NCOA3: variants seen among roughly 807,000 people sequenced by gnomAD.
The protein encoded by NCOA3 is nuclear receptor coactivator 3, also known as CBP-interacting protein.
Under a neutral mutation model 158.8 loss-of-function variants are expected in NCOA3, and 51 were observed. That is an observed-to-expected ratio of 0.32 (90% CI 0.26 to 0.41). The LOEUF (loss-of-function observed/expected upper bound fraction) is 0.41, where lower values mean the gene tolerates loss of function less well. NCOA3 is among the 10% of genes least tolerant of loss of function. The probability of loss-of-function intolerance (pLI) is 1.00; values close to 1 mark genes in which losing one functional copy is unlikely to be tolerated. For missense variants in NCOA3, 1,510 were observed against 1,746.6 expected, an observed-to-expected ratio of 0.86 and a Z score of 2.41; for synonymous variants, 537 against 592.4, an observed-to-expected ratio of 0.91 and a Z score of 1.36.
At chr20:47,586,613 A>G (rs2085540296) in intron 2 of NCOA3, among the ~76,000 whole-genome samples, 1 of 152,210 alleles carries the variant, frequency 6.6e-6, no homozygotes, top group Admixed American at 6.5e-5. Flanking sequence ...TGTATAGACT[A>G]CAGTCTGGGG....
Position 47,622,349 on chromosome 20 carries a change from G to C in NCOA3, c.83+19G>C. 1 of 1,506,638 alleles carries C rather than the reference G, an allele frequency of 6.6e-7. No homozygotes were observed. Among genetic ancestry groups the C allele is most frequent in the Non-Finnish European group, 9.1e-7 (1 of 1,102,762 alleles). 93.3% of individuals were successfully genotyped at this position (1,506,638 alleles called of 1,614,324 possible). A position where few individuals can be genotyped will look rare whatever the true frequency, so the allele number is the denominator to read the frequency against. ...GACAAGGGTAGGTGACTTATTTCCT[G>C]GTGCTTTACCACACTTGTTGTGCCT... On this transcript the variant is annotated intron_variant, in intron 3 of 22. Coordinates refer to ENST00000371998, the MANE Select transcript of NCOA3 (RefSeq NM_181659.3).
intron 1 of NCOA3, among the ~76,000 whole-genome samples, chr20:47,503,466 C>T (rs2083976281): frequency 6.6e-6 from 1 of 152,146 alleles, no homozygotes; most frequent in Non-Finnish European, 1.5e-5. Flanking sequence ...TACAGTTTCC[C>T]CTTCTCAGAG....
chr20:47,513,833 G>A (rs980509292), intron 1 of NCOA3, among the ~76,000 whole-genome samples: 2 of 151,912 alleles, frequency 1.3e-5, no homozygotes, highest in African/African-American at 4.8e-5. Context: ...GGGCTCTTGA[G>A]TGCCAGTTAC....
rs1238371073 is a variant in NCOA3 at position 47,633,545 on chromosome 20, T to C, written c.873T>C (p.Pro291=). Residue 291 remains proline (P), a synonymous_variant, in exon 9 of 23, where the codon CCT becomes CCC. Transcript: ENST00000371998. ...DTNSLRSSMR[P]GFEDIIRRCI... is the part of the protein sequence containing the mutation. ...ATTCACTGAGATCCTCCATGAGGCC[T>C]GGCTTTGAAGATATAATCCGAAGGT... The C allele has an allele frequency of 6.2e-7, 1 of 1,613,682 alleles. No homozygotes were observed. Among genetic ancestry groups the C allele is most frequent in the Non-Finnish European group, 8.5e-7 (1 of 1,179,580 alleles).
Position 47,627,686 on chromosome 20 carries a change from A to G in NCOA3, c.658A>G (p.Arg220Gly). The G allele has an allele frequency of 3.1e-6, 5 of 1,614,200 alleles. No homozygotes were observed. Among genetic ancestry groups the G allele is most frequent in the Non-Finnish European group, 4.2e-6 (5 of 1,180,044 alleles). Residue 220 changes from arginine (R) to glycine (G), a missense_variant, in exon 7 of 23, where the codon AGA becomes GGA. Coordinates refer to ENST00000371998, the MANE Select transcript of NCOA3 (RefSeq NM_181659.3). ...DINASPEMRQRYETMQCFALS... is the reference protein window; with the variant it reads ...DINASPEMRQGYETMQCFALS... ...AAACGCCAGTCCTGAAATGCGCCAG[A>G]GATATGAAACAATGCAGTGCTTTGC... is the stretch of plus-strand genomic sequence containing the variant.
At chr20:47,547,707 C>T (rs1237744791) in intron 1 of NCOA3, among the ~76,000 whole-genome samples, 2 of 151,400 alleles carry the variant, frequency 1.3e-5, no homozygotes, top group Non-Finnish European at 2.9e-5. Flanking sequence ...CATGAGCCAC[C>T]GCGCCCGGCC....
chr20:47,608,361 G>A (rs1178070307), intron 2 of NCOA3, among the ~76,000 whole-genome samples: 1 of 151,914 alleles, frequency 6.6e-6, no homozygotes, highest in Admixed American at 6.6e-5. Flanking sequence ...GAATGAGTCC[G>A]GCTTGGTGGC....
chr20:47,647,919 GTTT>G (rs34097290), intron 18 of NCOA3, among the ~76,000 whole-genome samples: 2 of 103,352 alleles, frequency 1.9e-5, no homozygotes, highest in African/African-American at 4.9e-5. Flanking sequence ...GTTTTGTTTT[GTTT>G]TTTTTTTTTT....
intron 19 of NCOA3, among the ~76,000 whole-genome samples, 158 bp downstream of exon 19, chr20:47,649,267 C>A (rs1335521646): frequency 6.6e-6 from 1 of 152,206 alleles, no homozygotes; most frequent in Non-Finnish European, 1.5e-5. Flanking sequence ...CTCTTCCATT[C>A]TTCTCTCTGG....
rs142034241 is a variant in NCOA3, at chr20:47,551,420, A to T, written c.-98-31763A>T. 5.8e-4 allele frequency among the ~76,000 whole-genome samples: 88 copies of T among 152,322 alleles called. 1 individual carries two copies. The highest frequency in any genetic ancestry group is 1.9e-3 in the African/African-American group (79 of 41,576). On this transcript the variant is annotated intron_variant, in intron 1 of 22. Transcript: ENST00000371998. Reference sequence around the variant, plus strand: ...ATTGACACATTCCCATCTTTCAAGCAGTAGACTTTCTACAACAACCAACTT... The same window carrying T: ...ATTGACACATTCCCATCTTTCAAGCTGTAGACTTTCTACAACAACCAACTT...
chr20:47,553,542 TC>T (rs1232307897), intron 1 of NCOA3, among the ~76,000 whole-genome samples: 15 of 104,478 alleles, frequency 1.4e-4, no homozygotes, highest in African/African-American at 4.0e-4. Flanking sequence ...ATGCTATCCC[TC>T]CCCCCCTCCC....
At chr20:47,514,240 A>C (rs888178312) in intron 1 of NCOA3, among the ~76,000 whole-genome samples, 6 of 149,350 alleles carry the variant, frequency 4.0e-5, no homozygotes, top group African/African-American at 1.5e-4. Context: ...ACATTTTCTT[A>C]ATATAGAAAT....
intron 4 of NCOA3, among the ~76,000 whole-genome samples, chr20:47,624,521 G>A (rs1338157756): frequency 6.6e-6 from 1 of 152,122 alleles, no homozygotes; most frequent in African/African-American, 2.4e-5. Context: ...GAGTGATGGG[G>A]AGGGGCTGTT....
At chr20:47,607,679 A>G (rs2085969721) in intron 2 of NCOA3, among the ~76,000 whole-genome samples, 1 of 152,202 alleles carries the variant, frequency 6.6e-6, no homozygotes. Flanking sequence ...CAGATAGGGT[A>G]GAGGAAAAAT....
intron 6 of NCOA3, 39 bp from the exon 7 acceptor site, chr20:47,627,522 C>T: frequency 6.6e-7 from 1 of 1,514,366 alleles, no homozygotes; most frequent in Non-Finnish European, 9.0e-7. Context: ...GAATGAGTTA[C>T]CAGCTTTTTA....
chr20:47,586,019 A>G (rs768075768), intron 2 of NCOA3, among the ~76,000 whole-genome samples: 3 of 151,260 alleles, frequency 2.0e-5, no homozygotes, highest in Non-Finnish European at 4.4e-5. Context: ...TTCCAGGGTC[A>G]AGTGATTCTC....
intron 1 of NCOA3, among the ~76,000 whole-genome samples, chr20:47,529,121 T>TA (rs1264063663): frequency 1.3e-5 from 2 of 151,454 alleles, no homozygotes; most frequent in Non-Finnish European, 2.9e-5. Flanking sequence ...TTTATTTATT[T>TA]AAAAAAATTT....
At chr20:47,593,334 ATTTTTT>A (rs71183267) in intron 2 of NCOA3, among the ~76,000 whole-genome samples, 54 of 63,752 alleles carry the variant, frequency 8.5e-4, no homozygotes, top group Admixed American at 4.0e-3. Flanking sequence ...GAGTTGATGG[ATTTTTT>A]TTTTTTTTTT....
At chr20:47,547,921 G>A (rs905990177) in intron 1 of NCOA3, among the ~76,000 whole-genome samples, 2 of 151,150 alleles carry the variant, frequency 1.3e-5, no homozygotes, top group Admixed American at 6.6e-5. Context: ...TAATAAAGAT[G>A]GGGTTTACCA....
Sources: allele counts gnomAD v4.1 joint callset (sites outside exome capture counted in the v4.1 genomes callset), GRCh38; gene constraint gnomAD v4.1.1; transcripts MANE v1.5; gene names NCBI Gene and HGNC (gene_info 2026-07-23, HGNC 2026-07-21).